Variants in LZIC observed in about 807,000 individuals in gnomAD.
LZIC encodes protein LZIC.
A neutral mutation model predicts 25.4 loss-of-function variants in LZIC; 28 were observed. The ratio of observed to expected loss-of-function variants is 1.10; its 90% confidence interval spans 0.82 to 1.51. The LOEUF is 1.51. Among genes scored for constraint, LZIC ranks in the 40% most tolerant of loss-of-function variants. The pLI, the probability that LZIC is intolerant of heterozygous loss-of-function variation, is 0.00. For missense variants in LZIC, 170 were observed against 211.1 expected (o/e 0.81, Z 1.21); for synonymous variants, 65 against 70.7 (o/e 0.92, Z 0.40).
intron 2 of LZIC, among the ~76,000 whole-genome samples, chr1:9,939,723 C>T (rs1418061278): frequency 6.6e-6 from 1 of 152,068 alleles, no homozygotes; most frequent in Non-Finnish European, 1.5e-5. Context: ...CTGATAATGA[C>T]TTGCCTTTAT....
At chr1:9,924,644 G>A (rs973790263), downstream of LZIC, among the ~76,000 whole-genome samples, 3 of 152,058 alleles carry the variant, frequency 2.0e-5, no homozygotes, top group Admixed American at 6.6e-5. Flanking sequence ...GTGAACCACC[G>A]TGCCCGGCCT....
Position 9,929,763 on chromosome 1 carries a change from C to T in LZIC, c.*636G>A. 1 of 985,006 alleles carries T rather than the reference C, an allele frequency of 1.0e-6. No homozygotes were observed. The highest frequency in any genetic ancestry group is 1.2e-6 in the Non-Finnish European group (1 of 829,602). 61.0% of individuals were successfully genotyped at this position (985,006 alleles called of 1,614,324 possible). A position where few individuals can be genotyped will look rare whatever the true frequency, so the allele number is the denominator to read the frequency against. ...TATTGGGACACTGAATTTTCAAAAA[C>T]ACTGACTTGCACAAATAGTGTTAAT... On this transcript the variant is annotated 3_prime_UTR_variant, in exon 8 of 8. Coordinates refer to ENST00000377223, the MANE Select transcript of LZIC (RefSeq NM_032368.5).
chr1:9,939,368 T>TTTC (rs1640596191), intron 2 of LZIC, among the ~76,000 whole-genome samples: 1 of 50,844 alleles, frequency 2.0e-5, no homozygotes, highest in African/African-American at 4.0e-5. Context: ...GGCTTTTTTT[T>TTTC]TTTTCTTTTT....
chr1:9,938,603 A>T (rs773152830), intron 2 of LZIC, among the ~76,000 whole-genome samples: 6 of 152,194 alleles, frequency 3.9e-5, no homozygotes, highest in Non-Finnish European at 1.5e-5. Context: ...CCCAGGCTGG[A>T]GTGCAGTGGC....
chr1:9,941,307 G>C (rs1640719910), intron 2 of LZIC, among the ~76,000 whole-genome samples: 1 of 151,700 alleles, frequency 6.6e-6, no homozygotes, highest in Non-Finnish European at 1.5e-5. Context: ...TGACTCTCCT[G>C]CCTCGGTCTC....
chr1:9,930,964 C>A (rs1300402452), intron 7 of LZIC, among the ~76,000 whole-genome samples: 2 of 152,018 alleles, frequency 1.3e-5, no homozygotes, highest in South Asian at 2.1e-4. Context: ...GGTGATCCAC[C>A]CACTTCAGCC....
At chr1:9,922,603 G>A (rs1639890730), downstream of LZIC, among the ~76,000 whole-genome samples, 1 of 152,240 alleles carries the variant, frequency 6.6e-6, no homozygotes, top group Non-Finnish European at 1.5e-5. Flanking sequence ...CAGCATGGGA[G>A]CATTTCTGCT....
In LZIC at chr1:9,935,556, T is replaced by C. The variant is rs1158941436; in HGVS notation, c.173A>G (p.Asp58Gly). ...ETLEQLSEFNDSLKKIMSGNM... is the reference protein window; with the variant it reads ...ETLEQLSEFNGSLKKIMSGNM... ...TCCAGACATAATTTTCTTTAGTGAATCATTAAATTCACTTAGTTGCTCCAG... is the reference window on the plus strand; with the variant it reads ...TCCAGACATAATTTTCTTTAGTGAACCATTAAATTCACTTAGTTGCTCCAG... The change falls in exon 4 of 8, where the codon GAT (aspartate) becomes GGT (glycine). Residue 58 changes from aspartate (D) to glycine (G), a missense_variant. Transcript: ENST00000377223. The C allele has an allele frequency of 6.2e-7, 1 of 1,612,538 alleles. No individual in the cohort carries two copies. The highest frequency in any genetic ancestry group is 1.1e-5 in the South Asian group (1 of 90,598).
rs1479547615 is a variant in LZIC at position 9,928,855 on chromosome 1, A to G, written c.*1544T>C. ...CACTCCAGCCTGGGCAATAAGAGTAAAACTCTGTCTCAAAAAAAAAAAAAA... is the reference window on the plus strand; with the variant it reads ...CACTCCAGCCTGGGCAATAAGAGTAGAACTCTGTCTCAAAAAAAAAAAAAA... On this transcript the variant is annotated 3_prime_UTR_variant, in exon 8 of 8. Coordinates refer to ENST00000377223, the MANE Select transcript of LZIC (RefSeq NM_032368.5). 7.1e-6 allele frequency: 1 copy of G among 141,830 alleles called. No homozygotes were observed. The highest frequency in any genetic ancestry group is 2.5e-5 in the African/African-American group (1 of 39,408). The allele number at this position is 141,830 out of a possible 1,614,324, so 8.8% of individuals were successfully genotyped here. A position where few individuals can be genotyped will look rare whatever the true frequency, so the allele number is the denominator to read the frequency against.
intron 4 of LZIC, 58 bp from the exon 5 acceptor site, chr1:9,934,918 A>G (rs1640387495): frequency 1.6e-6 from 2 of 1,224,940 alleles, no homozygotes; most frequent in Non-Finnish European, 2.4e-6. Flanking sequence ...AGATATTGCA[A>G]TAACTGATTG....
At chr1:9,931,128 A>T (rs781503034) in intron 7 of LZIC, among the ~76,000 whole-genome samples, 6 of 151,940 alleles carry the variant, frequency 3.9e-5, no homozygotes. Flanking sequence ...GTACAATGGC[A>T]TGATCTTGGC....
rs1640459776 is a variant in LZIC, at chr1:9,936,421, G to T, written c.101+98C>A. ...ACAAAGCACTGCAAAGAACACTACAGGGGAATGCAGAATCATCACACATGG... is the reference window on the plus strand; with the variant it reads ...ACAAAGCACTGCAAAGAACACTACATGGGAATGCAGAATCATCACACATGG... On this transcript the variant is annotated intron_variant, in intron 3 of 7. Transcript: ENST00000377223. 7 of 767,232 alleles carry T rather than the reference G, an allele frequency of 9.1e-6. No individual in the cohort carries two copies. The Admixed American group carries it at 1.4e-4, about 15-fold the overall frequency. The allele number at this position is 767,232 out of a possible 1,614,324, so 47.5% of individuals were successfully genotyped here.
At chr1:9,923,174 T>C (rs1340410514), downstream of LZIC, among the ~76,000 whole-genome samples, 1 of 152,226 alleles carries the variant, frequency 6.6e-6, no homozygotes. Flanking sequence ...AGCAAGACCA[T>C]GAATACACAG....
At chr1:9,924,224 A>ACTTT (rs1639926484), downstream of LZIC, among the ~76,000 whole-genome samples, 1 of 152,230 alleles carries the variant, frequency 6.6e-6, no homozygotes, top group Admixed American at 6.5e-5. Flanking sequence ...TTAAAACACA[A>ACTTT]CTTTCTCACT....
chr1:9,938,074 A>G (rs1402142720), intron 2 of LZIC, among the ~76,000 whole-genome samples: 3 of 149,034 alleles, frequency 2.0e-5, no homozygotes, highest in Non-Finnish European at 3.0e-5. Flanking sequence ...TATGTAGATC[A>G]AATGTGACTT....
chr1:9,922,685 C>T (rs537475730), downstream of LZIC, among the ~76,000 whole-genome samples: 26 of 152,288 alleles, frequency 1.7e-4, no homozygotes, highest in South Asian at 4.4e-3. Context: ...TGCAGAAGCA[C>T]GTTCTTAGGA....
Position 9,931,415 on chromosome 1 carries a change from A to G in LZIC, c.514+476T>C, listed in dbSNP as rs766286501. ...GTAGCTGGGACTACAGGTGCCCACC[A>G]CCACACCCAGCTAATTTTTTGTGTT... On this transcript the variant is annotated intron_variant, in intron 7 of 7. Coordinates refer to ENST00000377223, the MANE Select transcript of LZIC (RefSeq NM_032368.5). Among the ~76,000 whole-genome samples, 3 of 152,128 alleles carry G rather than the reference A, an allele frequency of 2.0e-5. No individual in the cohort carries two copies. The South Asian group carries it at 6.2e-4, about 31-fold the overall frequency.
downstream of LZIC, among the ~76,000 whole-genome samples, chr1:9,922,718 G>C (rs1240316173): frequency 5.3e-5 from 8 of 152,338 alleles, no homozygotes; most frequent in African/African-American, 1.9e-4. Flanking sequence ...CAGGCTCACA[G>C]AGGAGGATGC....
At position 9,927,468 on chromosome 1, in the gene LZIC, ATT is replaced by A. The variant is rs781547373; in HGVS notation, c.*2929_*2930del. On this transcript the variant is annotated 3_prime_UTR_variant, in exon 8 of 8. Coordinates refer to ENST00000377223, the MANE Select transcript of LZIC (RefSeq NM_032368.5). Reference sequence around the variant, plus strand: ...AAGTGCATGCCATCACGCCTGGCTAATTTTTTTTTTTTTTTTAGAGACAGGGT... The same window carrying A: ...AAGTGCATGCCATCACGCCTGGCTAATTTTTTTTTTTTTTAGAGACAGGGT... Among the ~76,000 whole-genome samples the A allele has an allele frequency of 3.3e-4, 47 of 140,312 alleles. No homozygotes were observed. Among genetic ancestry groups the A allele is most frequent in the Non-Finnish European group, 3.0e-4 (19 of 64,010 alleles). 92.1% of individuals were successfully genotyped at this position (140,312 alleles called of 152,430 possible).
Sources: allele counts gnomAD v4.1 joint callset (sites outside exome capture counted in the v4.1 genomes callset), GRCh38; gene constraint gnomAD v4.1.1; transcripts MANE v1.5; gene names NCBI Gene and HGNC (gene_info 2026-07-23, HGNC 2026-07-21).